The following CARMIL3 variants were observed in gnomAD, a reference collection of about 807,000 sequenced individuals.
CARMIL3 encodes the protein capping protein, Arp2/3 and myosin-I linker protein 3.
A neutral mutation model predicts 180.8 loss-of-function variants in CARMIL3; 88 were observed. The ratio of observed to expected loss-of-function variants is 0.49; its 90% confidence interval spans 0.41 to 0.58. The LOEUF is 0.58. Ranked by LOEUF, CARMIL3 falls within the 20% of genes least tolerant of loss-of-function variation. The probability of loss-of-function intolerance (pLI) is 0.00; values close to 1 mark genes in which losing one functional copy is unlikely to be tolerated. For missense variants in CARMIL3, 1,548 were observed against 1,787.0 expected, an observed-to-expected ratio of 0.87 and a Z score of 2.41; for synonymous variants, 696 against 714.5, an observed-to-expected ratio of 0.97 and a Z score of 0.41.
chr14:24,059,525 C>G lies in CARMIL3; in HGVS notation c.1799+83C>G, dbSNP rs2035709796. ...TAATCTCCCTGCTTTCCTTGATGCT[C>G]TGGACCCCAGCTTCCAGAAGACCCC... On this transcript the variant is annotated intron_variant, in intron 21 of 39. Transcript: ENST00000342740. The surrounding 1 kb of genome is among the most constrained non-coding windows in gnomAD (Gnocchi z 6.3). 1 of 1,521,532 alleles carries G rather than the reference C, an allele frequency of 6.6e-7. No individual in the cohort carries two copies. The highest frequency in any genetic ancestry group is 1.4e-5 in the African/African-American group (1 of 72,424). The allele number at this position is 1,521,532 out of a possible 1,614,324, so 94.3% of individuals were successfully genotyped here.
chr14:24,068,615 G>C lies in CARMIL3; in HGVS notation c.3714G>C (p.Gln1238His), dbSNP rs1472496802. 6.2e-7 allele frequency: 1 copy of C among 1,613,800 alleles called. No homozygotes were observed. The highest frequency in any genetic ancestry group is 1.7e-5 in the Admixed American group (1 of 59,966). Residue 1238 changes from glutamine (Q) to histidine (H), a missense_variant, in exon 37 of 40, where the codon CAG becomes CAC. Coordinates refer to ENST00000342740, the MANE Select transcript of CARMIL3 (RefSeq NM_138360.4). Reference sequence around the variant, plus strand: ...AGAGTGCCCCCAACCACAGCTGCCAGAGTCCCAGCCCAGCCTCCCAAGATG... The same window carrying C: ...AGAGTGCCCCCAACCACAGCTGCCACAGTCCCAGCCCAGCCTCCCAAGATG... ...AEESAPNHSC[Q>H]SPSPASQDGE...
chr14:24,052,311 G>A, intron 1 of CARMIL3, 118 bp downstream of exon 1: 2 of 1,010,942 alleles, frequency 2.0e-6, no homozygotes, highest in Non-Finnish European at 2.8e-6. Flanking sequence ...ATGCATCCTG[G>A]CTCCAAGGCA....
At position 24,060,707 on chromosome 14, in the gene CARMIL3, A is replaced by G; in HGVS notation, c.2141A>G (p.Glu714Gly). 1.9e-6 allele frequency: 3 copies of G among 1,614,040 alleles called. No individual in the cohort carries two copies. The highest frequency in any genetic ancestry group is 2.5e-6 in the Non-Finnish European group (3 of 1,179,986). The change falls in exon 25 of 40, where the codon GAG becomes GGG. Residue 714 changes from glutamate (E) to glycine (G), a missense_variant. By Grantham distance (98) the Glu-to-Gly change is moderately conservative. Transcript: ENST00000342740. Reference protein sequence around the residue: ...RLCPLEPVQDELLYARDLIKD... With the variant: ...RLCPLEPVQDGLLYARDLIKD... Reference sequence around the variant, plus strand: ...TGCCCCCTGGAGCCTGTGCAGGATGAGCTACTCTACGCTCGGGACCTCATC... The same window carrying G: ...TGCCCCCTGGAGCCTGTGCAGGATGGGCTACTCTACGCTCGGGACCTCATC...
Position 24,054,725 on chromosome 14 carries a change from G to T in CARMIL3, c.377G>T (p.Arg126Leu), listed in dbSNP as rs1392037253. Reference sequence around the variant, plus strand: ...TTCTTTTCCAGGTGTTTGATCCGGCGTGGAAACGCAGACACCCCAGAGGGG... The same window carrying T: ...TTCTTTTCCAGGTGTTTGATCCGGCTTGGAAACGCAGACACCCCAGAGGGG... ...VCPGPGCLIRRGNADTPEGPR... is the reference protein window; with the variant it reads ...VCPGPGCLIRLGNADTPEGPR... The change falls in exon 6 of 40, where the codon CGT becomes CTT. Residue 126 changes from arginine to leucine, a missense_variant. By Grantham distance (102) the Arg-to-Leu change is moderately radical. Coordinates refer to ENST00000342740, the MANE Select transcript of CARMIL3 (RefSeq NM_138360.4). The surrounding 1 kb of genome is among the most constrained non-coding windows in gnomAD (Gnocchi z 5.1). The T allele has an allele frequency of 6.2e-7, 1 of 1,613,726 alleles. No individual in the cohort carries two copies.
At chr14:24,055,371 T>C in intron 8 of CARMIL3, 61 bp downstream of exon 8, 1 of 1,577,268 alleles carries the variant, frequency 6.3e-7, no homozygotes, top group Non-Finnish European at 8.7e-7. Flanking sequence ...ACCCCAGCCC[T>C]TCCCAGGAGT....
intron 10 of CARMIL3, 115 bp from the exon 11 acceptor site, chr14:24,056,183 TG>T: frequency 1.3e-6 from 1 of 781,564 alleles, no homozygotes; most frequent in Non-Finnish European, 2.1e-6. Context: ...TCCCCTGTTG[TG>T]GGGGCCTCTG....
chr14:24,065,481 G>A, intron 33 of CARMIL3, 141 bp from the exon 34 acceptor site: 1 of 1,294,858 alleles, frequency 7.7e-7, no homozygotes, highest in Non-Finnish European at 1.1e-6. Flanking sequence ...GCAGGCGTTG[G>A]AAGGACTCTT....
rs1039276142 is a variant in CARMIL3 at position 24,061,196 on chromosome 14, G to A, written c.2304+156G>A. ...GCTCCCACTGTACCAAGGCATTGCT[G>A]CAATATCAGGCTTGGATTTTTTTCT... On this transcript the variant is annotated intron_variant, in intron 26 of 39. Coordinates refer to ENST00000342740, the MANE Select transcript of CARMIL3 (RefSeq NM_138360.4). The surrounding 1 kb of genome is among the most constrained non-coding windows in gnomAD (Gnocchi z 4.1). 1 of 674,922 alleles carries A rather than the reference G, an allele frequency of 1.5e-6. No homozygotes were observed. The highest frequency in any genetic ancestry group is 3.1e-4 in the Middle Eastern group (1 of 3,246). The allele number at this position is 674,922 out of a possible 1,614,324, so 41.8% of individuals were successfully genotyped here. A position where few individuals can be genotyped will look rare whatever the true frequency, so the allele number is the denominator to read the frequency against.
chr14:24,063,923 A>G (rs1452818871), intron 31 of CARMIL3, among the ~76,000 whole-genome samples: 1 of 151,800 alleles, frequency 6.6e-6, no homozygotes, highest in Non-Finnish European at 1.5e-5. Context: ...GTGAAACCCC[A>G]TCTCCACTAA....
rs1270549933 is a variant in CARMIL3 at position 24,063,492 on chromosome 14, C to T, written c.2938C>T (p.Arg980Cys). ...KLRHQTQGRP[R>C]PPRTTPPGPG... The stretch of plus-strand genomic sequence containing the variant: ...AAGGCATCAAACACAAGGGAGGCCC[C>T]GCCCCCCCAGGACCACACCTCCAGG... The change falls in exon 31 of 40, where the codon CGC (arginine) becomes TGC (cysteine). Residue 980 changes from arginine to cysteine, a missense_variant. By Grantham distance (180) the Arg-to-Cys change is radical. Transcript: ENST00000342740. 1.9e-6 allele frequency: 3 copies of T among 1,613,470 alleles called. No homozygotes were observed. The highest frequency in any genetic ancestry group is 2.5e-6 in the Non-Finnish European group (3 of 1,179,964).
intron 32 of CARMIL3, 66 bp from the exon 33 acceptor site, chr14:24,064,892 G>T: frequency 6.5e-7 from 1 of 1,532,266 alleles, no homozygotes; most frequent in Non-Finnish European, 8.9e-7. Context: ...AGGAAAGCAG[G>T]TTTATCAGAC....
intron 27 of CARMIL3, 149 bp from the exon 28 acceptor site, chr14:24,062,331 C>T: frequency 1.3e-6 from 1 of 750,768 alleles, no homozygotes; most frequent in Non-Finnish European, 2.4e-6. Context: ...AAGGGCTAGG[C>T]TGCCTCCTTC....
Position 24,069,165 on chromosome 14 carries a change from C to T in CARMIL3, c.4011C>T (p.Ala1337=). ...CCCCTGATCCAGGCCGGCGGACTGC[C>T]CCCCTGAAGCCCAAGAGGACACGGC... ...QGPPDPGRRT[A]PLKPKRTRRA... Residue 1337 remains alanine, a synonymous_variant, in exon 39 of 40, where the codon GCC becomes GCT. Coordinates refer to ENST00000342740, the MANE Select transcript of CARMIL3 (RefSeq NM_138360.4). 2 of 1,614,074 alleles carry T rather than the reference C, an allele frequency of 1.2e-6. No individual in the cohort carries two copies. The highest frequency in any genetic ancestry group is 1.1e-5 in the South Asian group (1 of 91,086).
intron 33 of CARMIL3, 100 bp from the exon 34 acceptor site, chr14:24,065,522 T>A: frequency 6.7e-7 from 1 of 1,494,910 alleles, no homozygotes; most frequent in South Asian, 1.3e-5. Context: ...TCCCCGTGGC[T>A]AGGGACTCAG....
rs2035620515 is a variant in CARMIL3 at position 24,052,046 on chromosome 14, C to G, written c.-108C>G. On this transcript the variant is annotated 5_prime_UTR_variant, in exon 1 of 40. Coordinates refer to ENST00000342740, the MANE Select transcript of CARMIL3 (RefSeq NM_138360.4). Reference sequence around the variant, plus strand: ...CTGACCGGAGCGGGCTCGGCCGCTGCTGCAGCGCTCAGCGCCCGGGCCCTG... The same window carrying G: ...CTGACCGGAGCGGGCTCGGCCGCTGGTGCAGCGCTCAGCGCCCGGGCCCTG... The G allele has an allele frequency of 8.5e-7, 1 of 1,174,708 alleles. No homozygotes were observed. The highest frequency in any genetic ancestry group is 1.6e-5 in the African/African-American group (1 of 61,616). The allele number at this position is 1,174,708 out of a possible 1,614,324, so 72.8% of individuals were successfully genotyped here.
In CARMIL3 at chr14:24,055,132, A is replaced by G; in HGVS notation, c.527A>G (p.Gln176Arg). The G allele has an allele frequency of 1.2e-6, 2 of 1,614,062 alleles. No individual in the cohort carries two copies. The highest frequency in any genetic ancestry group is 1.7e-6 in the Non-Finnish European group (2 of 1,180,010). ...GGGCTACACTGCCGTGAGGAGGTTC[A>G]ATGGGTATGTTGGGCAGGGACCCCA... Reference protein sequence around the residue: ...YNGLHCREEVQWDVDTIYHAE... With the variant: ...YNGLHCREEVRWDVDTIYHAE... The change falls in exon 7 of 40, where the codon CAA becomes CGA. Residue 176 changes from glutamine (Q) to arginine (R), a missense_variant. This residue lies in a region of CARMIL3 where 578 missense variants were observed against 666.5 expected (regional missense o/e 0.87). Coordinates refer to ENST00000342740, the MANE Select transcript of CARMIL3 (RefSeq NM_138360.4).
rs772831193 is a variant in CARMIL3, at chr14:24,056,943, G to A, written c.981G>A (p.Gly327=). The change falls in exon 13 of 40, where the codon GGG becomes GGA. Residue 327 remains glycine, a synonymous_variant. Transcript: ENST00000342740. ...TCCAGGCACTCGGCCAGACCTTCGG[G>A]GCAAACCCAGCATTTGCCAGCTCCC... ...RGLQALGQTF[G]ANPAFASSLR... is the part of the protein sequence containing the mutation. 3 of 1,614,076 alleles carry A rather than the reference G, an allele frequency of 1.9e-6. No homozygotes were observed. Among genetic ancestry groups the A allele is most frequent in the South Asian group, 2.2e-5 (2 of 91,078 alleles).
chr14:24,052,861 G>A lies in CARMIL3; in HGVS notation c.40+668G>A, dbSNP rs916836965. 2.6e-5 allele frequency among the ~76,000 whole-genome samples: 4 copies of A among 152,282 alleles called. 1 individual carries two copies. Among genetic ancestry groups the A allele is most frequent in the African/African-American group, 9.6e-5 (4 of 41,562 alleles). On this transcript the variant is annotated intron_variant, in intron 1 of 39. Transcript: ENST00000342740. ...GGTTCTCAGACCTAGCCCAAACCCA[G>A]GCCCGGCCACCCAGCACTGCCACAA... is the stretch of plus-strand genomic sequence containing the variant.
Position 24,065,619 on chromosome 14 carries a change from T to A in CARMIL3, c.3397-3T>A, listed in dbSNP as rs551768953. On this transcript the variant is annotated splice_polypyrimidine_tract_variant and splice_region_variant and intron_variant, in intron 33 of 39. Coordinates refer to ENST00000342740, the MANE Select transcript of CARMIL3 (RefSeq NM_138360.4). ...TGCTAATAAATAAGAGACCTTGTTC[T>A]AGGGCACTGAGGGGTCAGAGCCAGG... 6 of 1,606,340 alleles carry A rather than the reference T, an allele frequency of 3.7e-6. No homozygotes were observed. The South Asian group carries it at 6.6e-5, about 18-fold the overall frequency.
Sources: gnomAD v4.1 joint callset for allele counts (sites outside exome capture counted in the v4.1 genomes callset) on GRCh38, gnomAD v4.1.1 for gene constraint, gnomAD v4.1.1 regional missense constraint, Gnocchi (gnomAD v3.1) non-coding constraint, MANE v1.5 for transcripts, NCBI Gene and HGNC (gene_info 2026-07-23, HGNC 2026-07-21) for gene names.